Variants in ZNF804B observed in about 807,000 individuals in gnomAD.
The protein encoded by ZNF804B is zinc finger protein 804B.
A neutral mutation model predicts 101.4 loss-of-function variants in ZNF804B; 80 were observed. The ratio of observed to expected loss-of-function variants is 0.79; its 90% CI spans 0.66 to 0.95. ZNF804B has a LOEUF of 0.95. Ranked by LOEUF, ZNF804B falls within the 40% of genes least tolerant of loss-of-function variation. The probability of loss-of-function intolerance (pLI) is 0.00; values close to 1 mark genes in which losing one functional copy is unlikely to be tolerated. For synonymous variants in ZNF804B, 622 were observed against 558.8 expected, an observed-to-expected ratio of 1.11 and a Z score of -1.59; for missense variants, 1,673 against 1,561.9, an observed-to-expected ratio of 1.07 and a Z score of -1.20.
At chr7:88,984,403 T>A (rs1337063164) in intron 1 of ZNF804B, among the ~76,000 whole-genome samples, 1 of 151,180 alleles carries the variant, frequency 6.6e-6, no homozygotes, top group Non-Finnish European at 1.5e-5. Context: ...GTTTGTTGTT[T>A]ACTTAGACTC....
chr7:89,277,854 G>A (rs183710480), intron 2 of ZNF804B, among the ~76,000 whole-genome samples: 352 of 152,034 alleles, frequency 2.3e-3, no homozygotes, highest in African/African-American at 7.6e-3. Flanking sequence ...TAATCCTTTG[G>A]GTATATACCC....
At chr7:89,124,269 C>A (rs1439514035) in intron 1 of ZNF804B, among the ~76,000 whole-genome samples, 1 of 152,120 alleles carries the variant, frequency 6.6e-6, no homozygotes, top group Non-Finnish European at 1.5e-5. Flanking sequence ...GTCATCCAGG[C>A]ATCTCCAGAA....
At chr7:89,104,679 A>G (rs1790109140) in intron 1 of ZNF804B, among the ~76,000 whole-genome samples, 1 of 151,148 alleles carries the variant, frequency 6.6e-6, no homozygotes, top group Non-Finnish European at 1.5e-5. Context: ...TATTTACCTT[A>G]TTTTTAAATA....
chr7:89,197,542 A>T (rs889520552), intron 1 of ZNF804B, among the ~76,000 whole-genome samples: 1 of 151,818 alleles, frequency 6.6e-6, no homozygotes, highest in African/African-American at 2.4e-5. Flanking sequence ...AATATTTTGT[A>T]TATACTATAA....
At chr7:88,803,482 A>G (rs1463092715) in intron 1 of ZNF804B, among the ~76,000 whole-genome samples, 1 of 152,194 alleles carries the variant, frequency 6.6e-6, no homozygotes, top group Non-Finnish European at 1.5e-5. Context: ...AGTTGGATAC[A>G]GTCTGAACTA....
intron 1 of ZNF804B, among the ~76,000 whole-genome samples, chr7:88,805,545 T>C (rs1790671935): frequency 6.6e-6 from 1 of 152,182 alleles, no homozygotes; most frequent in Admixed American, 6.5e-5. Flanking sequence ...CACTAGCAGT[T>C]GTGGACAATT....
intron 1 of ZNF804B, among the ~76,000 whole-genome samples, chr7:89,039,678 A>G (rs947435616): frequency 1.3e-5 from 2 of 151,802 alleles, no homozygotes; most frequent in Non-Finnish European, 2.9e-5. Flanking sequence ...GGCACTATCT[A>G]GAACTTTCAG....
chr7:89,065,017 T>C (rs866810855), intron 1 of ZNF804B, among the ~76,000 whole-genome samples: 3 of 152,114 alleles, frequency 2.0e-5, no homozygotes, highest in African/African-American at 7.2e-5. Context: ...GCCACTAAAA[T>C]ATCACTGGAA....
intron 1 of ZNF804B, among the ~76,000 whole-genome samples, chr7:89,060,235 A>C (rs549050988): frequency 6.6e-6 from 1 of 152,218 alleles, no homozygotes; most frequent in Admixed American, 6.5e-5. Flanking sequence ...TATACATGTC[A>C]TATTGGTTCT....
chr7:89,145,785 T>C (rs1225256418), intron 1 of ZNF804B, among the ~76,000 whole-genome samples: 1 of 152,060 alleles, frequency 6.6e-6, no homozygotes, highest in African/African-American at 2.4e-5. Context: ...TTATAATTGA[T>C]TCTGGATCAG....
At chr7:88,819,850 T>C (rs1790948166) in intron 1 of ZNF804B, among the ~76,000 whole-genome samples, 1 of 152,186 alleles carries the variant, frequency 6.6e-6, no homozygotes. Flanking sequence ...CTGGCATTTA[T>C]TGAAGATTCC....
rs182343441 is a variant in ZNF804B, at chr7:88,763,696, A to G, written c.108+3612A>G. Among the ~76,000 whole-genome samples the G allele has an allele frequency of 2.2e-3, 337 of 152,278 alleles. 2 individuals carry two copies. Among genetic ancestry groups the G allele is most frequent in the Non-Finnish European group, 8.7e-4 (59 of 67,996 alleles). ...GACTCTATCTAAACTCTAAAATAAT[A>G]TGACTACATGATGACTTTAAAAATC... is the stretch of plus-strand genomic sequence containing the variant. On this transcript the variant is annotated intron_variant, in intron 1 of 3. Transcript: ENST00000333190.
intron 2 of ZNF804B, among the ~76,000 whole-genome samples, chr7:89,301,541 A>G (rs1476885546): frequency 6.6e-6 from 1 of 151,740 alleles, no homozygotes; most frequent in Non-Finnish European, 1.5e-5. Flanking sequence ...TCTTTTCCTC[A>G]TGAATGCAAT....
chr7:89,139,086 A>G (rs1469327785), intron 1 of ZNF804B, among the ~76,000 whole-genome samples: 1 of 152,104 alleles, frequency 6.6e-6, no homozygotes, highest in Non-Finnish European at 1.5e-5. Context: ...ACTACAATAA[A>G]GCAAATTTTG....
intron 1 of ZNF804B, among the ~76,000 whole-genome samples, chr7:89,180,212 G>A (rs1788275910): frequency 6.6e-6 from 1 of 152,138 alleles, no homozygotes; most frequent in Admixed American, 6.5e-5. Context: ...GGTAAAGCCA[G>A]CCAGGGTTGT....
chr7:89,025,963 C>T (rs1363885055), intron 1 of ZNF804B, among the ~76,000 whole-genome samples: 1 of 152,086 alleles, frequency 6.6e-6, no homozygotes, highest in Non-Finnish European at 1.5e-5. Context: ...AACTCCTTAG[C>T]AAATTTATTG....
chr7:88,851,227 G>T (rs10228827), intron 1 of ZNF804B, among the ~76,000 whole-genome samples: 4 of 151,866 alleles, frequency 2.6e-5, no homozygotes, highest in Admixed American at 1.3e-4. Flanking sequence ...ATATCTCAAG[G>T]AATAATAGCT....
At chr7:89,193,869 A>G (rs893336712) in intron 1 of ZNF804B, among the ~76,000 whole-genome samples, 1 of 151,968 alleles carries the variant, frequency 6.6e-6, no homozygotes, top group Non-Finnish European at 1.5e-5. Context: ...CTAGTTCTAG[A>G]TCCCTGAGGA....
chr7:89,194,945 G>C (rs184257412), intron 1 of ZNF804B, among the ~76,000 whole-genome samples: 2 of 152,080 alleles, frequency 1.3e-5, no homozygotes, highest in African/African-American at 2.4e-5. Context: ...CTACCCATGA[G>C]CATGGAATGT....
Sources: allele counts gnomAD v4.1 joint callset (sites outside exome capture counted in the v4.1 genomes callset), GRCh38; gene constraint gnomAD v4.1.1; transcripts MANE v1.5; gene names NCBI Gene and HGNC (gene_info 2026-07-23, HGNC 2026-07-21).